Variants in MTMR2 observed in about 807,000 individuals in gnomAD.
MTMR2 encodes phosphatidylinositol-3,5-bisphosphate 3-phosphatase MTMR2.
In MTMR2, 55 loss-of-function variants were observed where a neutral mutation model predicts 86.9. The observed-to-expected ratio is 0.63, with a 90% CI of 0.51 to 0.79. The LOEUF is 0.79. Ranked by LOEUF, MTMR2 falls within the 30% of genes least tolerant of loss-of-function variation. MTMR2 has a pLI of 0.00. For synonymous variants in MTMR2, 241 were observed against 266.8 expected, an observed-to-expected ratio of 0.90 and a Z score of 0.94; for missense variants, 659 against 772.3, an observed-to-expected ratio of 0.85 and a Z score of 1.74.
chr11:95,868,565 G>A (rs1385308248), intron 2 of MTMR2, among the ~76,000 whole-genome samples: 1 of 151,066 alleles, frequency 6.6e-6, no homozygotes, highest in Non-Finnish European at 1.5e-5. Context: ...AAATAATCAA[G>A]AAAAGAATTG....
At chr11:95,912,277 G>C (rs1482583612) in intron 1 of MTMR2, among the ~76,000 whole-genome samples, 1 of 151,766 alleles carries the variant, frequency 6.6e-6, no homozygotes, top group African/African-American at 2.4e-5. Flanking sequence ...CAGATTAGTT[G>C]TTAGAAATCA....
Position 95,835,385 on chromosome 11 carries a change from C to T in MTMR2, c.1837G>A (p.Glu613Lys). ...KRAELQKKVE[E>K]LQREISNRST... ...CGGTTAGAAATCTCTCTCTGTAGTTCCTCTACTTTTTTCTGAAGCTCTGCT... is the reference window on the plus strand; with the variant it reads ...CGGTTAGAAATCTCTCTCTGTAGTTTCTCTACTTTTTTCTGAAGCTCTGCT... The change falls in exon 15 of 15, where the codon GAA becomes AAA. Residue 613 changes from glutamate to lysine, a missense_variant. By Grantham distance (56) the Glu-to-Lys change is moderately conservative (BLOSUM62 1). Transcript: ENST00000346299. The T allele has an allele frequency of 6.2e-7, 1 of 1,613,158 alleles. No homozygotes were observed. The highest frequency in any genetic ancestry group is 8.5e-7 in the Non-Finnish European group (1 of 1,179,376).
At chr11:95,856,354 G>C (rs1258471776) in intron 7 of MTMR2, among the ~76,000 whole-genome samples, 1 of 151,114 alleles carries the variant, frequency 6.6e-6, no homozygotes. Context: ...TTATTTAAAG[G>C]GGGGGAAGTG....
rs1867049759 is a variant in MTMR2 at position 95,924,068 on chromosome 11, C to G, written c.-114G>C. On this transcript the variant is annotated 5_prime_UTR_variant, in exon 1 of 15. Coordinates refer to ENST00000346299, the MANE Select transcript of MTMR2 (RefSeq NM_016156.6). ...GGCCGCAGTCAGGCCAGCGCCGGCC[C>G]GGGAGGGAGACCGGAAGCGGCCATG... 2.9e-6 allele frequency: 4 copies of G among 1,369,806 alleles called. No individual in the cohort carries two copies. The highest frequency in any genetic ancestry group is 2.5e-4 in the Middle Eastern group (1 of 4,070). The allele number at this position is 1,369,806 out of a possible 1,614,324, so 84.9% of individuals were successfully genotyped here.
chr11:95,854,175 T>A (rs1864125692), intron 7 of MTMR2, among the ~76,000 whole-genome samples: 2 of 152,130 alleles, frequency 1.3e-5, no homozygotes, highest in South Asian at 2.1e-4. Flanking sequence ...AAAACTGGAA[T>A]TGGCTAGCCC....
intron 1 of MTMR2, among the ~76,000 whole-genome samples, chr11:95,892,505 A>G (rs768919208): frequency 7.2e-5 from 11 of 152,188 alleles, no homozygotes; most frequent in Non-Finnish European, 1.5e-4. Flanking sequence ...AGAATCTTGT[A>G]ATTAGCAAGG....
chr11:95,865,517 G>A (rs982380131), intron 3 of MTMR2, 84 bp downstream of exon 3: 12 of 1,293,686 alleles, frequency 9.3e-6, no homozygotes, highest in Admixed American at 5.0e-5. Context: ...CTGACAGCCA[G>A]TTTATTCTCT....
At chr11:95,864,026 T>C (rs1590999281) in intron 3 of MTMR2, among the ~76,000 whole-genome samples, 1 of 152,262 alleles carries the variant, frequency 6.6e-6, no homozygotes, top group Middle Eastern at 3.4e-3. Flanking sequence ...CTGGTATTGA[T>C]GTCAACTGAG....
chr11:95,860,065 A>G (rs1038940048), intron 5 of MTMR2, among the ~76,000 whole-genome samples: 9 of 152,202 alleles, frequency 5.9e-5, no homozygotes, highest in Admixed American at 4.6e-4. Context: ...ATTTAAAATG[A>G]TTAAGATTCA....
intron 11 of MTMR2, among the ~76,000 whole-genome samples, chr11:95,842,299 A>G (rs1372982043): frequency 6.6e-6 from 1 of 152,184 alleles, no homozygotes; most frequent in East Asian, 1.9e-4. Context: ...TCAGAACCTC[A>G]GAGGCCAGAT....
intron 2 of MTMR2, among the ~76,000 whole-genome samples, chr11:95,876,010 A>C (rs974187009): frequency 2.0e-5 from 3 of 152,134 alleles, no homozygotes; most frequent in Non-Finnish European, 2.9e-5. Flanking sequence ...GTCTGCCCCT[A>C]CTGGGGGATG....
chr11:95,854,299 G>A (rs1390745675), intron 7 of MTMR2, among the ~76,000 whole-genome samples: 2 of 152,244 alleles, frequency 1.3e-5, no homozygotes, highest in South Asian at 2.1e-4. Context: ...TCAGGGTCAA[G>A]TTTATTATAC....
intron 7 of MTMR2, among the ~76,000 whole-genome samples, chr11:95,851,893 CAT>C (rs951960589): frequency 1.3e-5 from 2 of 152,132 alleles, no homozygotes; most frequent in African/African-American, 2.4e-5. Context: ...TTTTAAAAAA[CAT>C]ATCAACTATT....
intron 1 of MTMR2, among the ~76,000 whole-genome samples, chr11:95,908,825 G>A (rs1043838969): frequency 6.6e-6 from 1 of 152,030 alleles, no homozygotes; most frequent in African/African-American, 2.4e-5. Flanking sequence ...GAATGAAGTG[G>A]TGATAAAGAA....
chr11:95,894,697 G>A (rs1865822686), intron 1 of MTMR2, among the ~76,000 whole-genome samples: 1 of 152,076 alleles, frequency 6.6e-6, no homozygotes, highest in African/African-American at 2.4e-5. Flanking sequence ...TTTCAAAAGA[G>A]TTTCTTGAAA....
intron 2 of MTMR2, among the ~76,000 whole-genome samples, chr11:95,869,987 C>A (rs1254630812): frequency 6.6e-6 from 1 of 152,042 alleles, no homozygotes; most frequent in Non-Finnish European, 1.5e-5. Flanking sequence ...CAGGTGTATG[C>A]ATTTTTCTAA....
At chr11:95,876,204 T>C (rs1185884626) in intron 2 of MTMR2, among the ~76,000 whole-genome samples, 2 of 152,034 alleles carry the variant, frequency 1.3e-5, no homozygotes, top group Non-Finnish European at 2.9e-5. Context: ...AGAGGTGGAG[T>C]CTTCAGAGGC....
Position 95,923,767 on chromosome 11 carries a change from GTA to G in MTMR2, c.80+106_80+107del, listed in dbSNP as rs1388924294. On this transcript the variant is annotated intron_variant, in intron 1 of 14. Coordinates refer to ENST00000346299, the MANE Select transcript of MTMR2 (RefSeq NM_016156.6). ...CAAGTCCCGGGGAAGGAATTCCGGCGTAGCCTTCAGAAACCAGAATCCGCGAA... is the reference window on the plus strand; with the variant it reads ...CAAGTCCCGGGGAAGGAATTCCGGCGGCCTTCAGAAACCAGAATCCGCGAA... The G allele has an allele frequency of 2.0e-4, 302 of 1,494,844 alleles. 1 individual carries two copies. The highest frequency in any genetic ancestry group is 3.8e-5 in the Non-Finnish European group (42 of 1,116,712). 92.6% of individuals were successfully genotyped at this position (1,494,844 alleles called of 1,614,324 possible).
chr11:95,911,980 CAA>C (rs1866523268), intron 1 of MTMR2, among the ~76,000 whole-genome samples: 1 of 151,882 alleles, frequency 6.6e-6, no homozygotes, highest in South Asian at 2.1e-4. Flanking sequence ...CCAAGACAAG[CAA>C]AACTGTTTAT....
Sources: gnomAD v4.1 joint callset for allele counts (sites outside exome capture counted in the v4.1 genomes callset) on GRCh38, gnomAD v4.1.1 for gene constraint, MANE v1.5 for transcripts, NCBI Gene and HGNC (gene_info 2026-07-23, HGNC 2026-07-21) for gene names.